Variants in ACBD5 observed in about 807,000 individuals in gnomAD.
ACBD5 encodes the protein acyl-CoA-binding domain-containing protein 5.
Under a neutral mutation model 71.8 loss-of-function variants are expected in ACBD5, and 40 were observed. That is an observed-to-expected ratio of 0.56 (90% CI 0.43 to 0.72). ACBD5 has a LOEUF of 0.72. Among genes scored for constraint, ACBD5 ranks in the 30% least tolerant of loss-of-function variants. The pLI is 0.00. For synonymous variants in ACBD5, 229 were observed against 218.6 expected, an observed-to-expected ratio of 1.05 and a Z score of -0.42; for missense variants, 559 against 644.5, an observed-to-expected ratio of 0.87 and a Z score of 1.44.
chr10:27,240,618 C>T lies in ACBD5; in HGVS notation c.15+56G>A. On this transcript the variant is annotated intron_variant, in intron 1 of 12. Transcript: ENST00000396271. This position sits in a 1 kb window ranked among gnomAD's most constrained non-coding sequence, Gnocchi z 4.1. ...AAGCGGCCCGGCTCCTTCCTCCTCC[C>T]CCGGGGCGTGACTAAGGCCACGAAT... 6.4e-7 allele frequency: 1 copy of T among 1,551,194 alleles called. No individual in the cohort carries two copies. The highest frequency in any genetic ancestry group is 1.2e-5 in the South Asian group (1 of 84,054).
At chr10:27,227,515 C>A (rs1049544658) in intron 4 of ACBD5, among the ~76,000 whole-genome samples, 2 of 152,018 alleles carry the variant, frequency 1.3e-5, no homozygotes, top group African/African-American at 4.8e-5. Flanking sequence ...TCTGAGTATG[C>A]TGATCACTAG....
rs760039877 is a variant in ACBD5 at position 27,197,340 on chromosome 10, C to T, written c.*90G>A. Reference sequence around the variant, plus strand: ...ACAACAAAAAGCAATGTAATCATCACAAACTAAGATTTTCTTGTGAACACC... The same window carrying T: ...ACAACAAAAAGCAATGTAATCATCATAAACTAAGATTTTCTTGTGAACACC... On this transcript the variant is annotated 3_prime_UTR_variant, in exon 13 of 13. Coordinates refer to ENST00000396271, the MANE Select transcript of ACBD5 (RefSeq NM_145698.5). 13 of 1,283,394 alleles carry T rather than the reference C, an allele frequency of 1.0e-5. No homozygotes were observed. The highest frequency in any genetic ancestry group is 1.5e-5 in the Non-Finnish European group (13 of 889,786). 79.5% of individuals were successfully genotyped at this position (1,283,394 alleles called of 1,614,324 possible). A position where few individuals can be genotyped will look rare whatever the true frequency, so the allele number is the denominator to read the frequency against.
intron 2 of ACBD5, among the ~76,000 whole-genome samples, chr10:27,239,786 G>A (rs1455705064): frequency 6.6e-6 from 1 of 152,024 alleles, no homozygotes; most frequent in African/African-American, 2.4e-5. Context: ...TGGCTCTGTC[G>A]CCCAGGCTGG....
At chr10:27,235,472 T>C (rs1158608181) in intron 2 of ACBD5, among the ~76,000 whole-genome samples, 1 of 152,228 alleles carries the variant, frequency 6.6e-6, no homozygotes, top group Non-Finnish European at 1.5e-5. Flanking sequence ...ATAGACATGC[T>C]GTAGATATAA....
intron 13 of ACBD5, among the ~76,000 whole-genome samples, chr10:27,183,626 A>G (rs2058457702): frequency 6.6e-6 from 1 of 152,164 alleles, no homozygotes; most frequent in South Asian, 2.1e-4. Flanking sequence ...GCATTTCTTT[A>G]TCAAGTAGAA....
chr10:27,186,609 A>AC, intron 13 of ACBD5: 1 of 1,270,562 alleles, frequency 7.9e-7, no homozygotes, highest in Non-Finnish European at 1.2e-6. Flanking sequence ...CCTTAATACT[A>AC]GATTGATCTA....
chr10:27,209,280 T>C (rs2060812508), intron 9 of ACBD5, among the ~76,000 whole-genome samples: 1 of 152,096 alleles, frequency 6.6e-6, no homozygotes, highest in African/African-American at 2.4e-5. Context: ...TACGTTTGCC[T>C]TTTTGGTCAT....
At chr10:27,209,380 C>G (rs1158976716) in intron 9 of ACBD5, among the ~76,000 whole-genome samples, 7 of 152,132 alleles carry the variant, frequency 4.6e-5, no homozygotes. Flanking sequence ...GTTGCCCAGG[C>G]TGGAGTGCAA....
intron 8 of ACBD5, among the ~76,000 whole-genome samples, 159 bp downstream of exon 8, chr10:27,215,376 G>C (rs1281076086): frequency 6.6e-6 from 1 of 151,528 alleles, no homozygotes; most frequent in African/African-American, 2.4e-5. Flanking sequence ...ACCTATTTTT[G>C]AATTCATAAA....
chr10:27,212,073 G>A (rs2061143994), intron 8 of ACBD5, among the ~76,000 whole-genome samples: 1 of 152,238 alleles, frequency 6.6e-6, no homozygotes, highest in South Asian at 2.1e-4. Flanking sequence ...CAAGGGGCCG[G>A]CATGGTGGCT....
chr10:27,183,932 G>C (rs2058477727), intron 13 of ACBD5, among the ~76,000 whole-genome samples: 1 of 151,930 alleles, frequency 6.6e-6, no homozygotes, highest in African/African-American at 2.4e-5. Flanking sequence ...GGCTGGTCTC[G>C]AACTCCTGGG....
At chr10:27,213,515 TG>T (rs1661856543) in intron 8 of ACBD5, among the ~76,000 whole-genome samples, 2 of 152,122 alleles carry the variant, frequency 1.3e-5, no homozygotes, top group Non-Finnish European at 2.9e-5. Flanking sequence ...CCCAGCACTT[TG>T]GGAGGCCAAG....
At chr10:27,203,132 C>T (rs1191630865) in intron 12 of ACBD5, among the ~76,000 whole-genome samples, 1 of 151,610 alleles carries the variant, frequency 6.6e-6, no homozygotes, top group Non-Finnish European at 1.5e-5. Flanking sequence ...GCACCACCAA[C>T]CTGGCTAATT....
intron 3 of ACBD5, among the ~76,000 whole-genome samples, chr10:27,232,888 A>G (rs1473904215): frequency 6.6e-5 from 10 of 152,206 alleles, no homozygotes; most frequent in Admixed American, 6.5e-4. Flanking sequence ...AAAAACATGA[A>G]GCAAATAATT....
upstream of ACBD5, chr10:27,242,053 A>G (rs752179349): frequency 7.5e-5 from 34 of 452,506 alleles, no homozygotes; most frequent in Non-Finnish European, 1.2e-4. Flanking sequence ...CGGCGCCGGC[A>G]TTTACCTTGG....
intron 6 of ACBD5, 40 bp from the exon 7 acceptor site, chr10:27,218,223 G>A: frequency 6.7e-7 from 1 of 1,482,276 alleles, no homozygotes; most frequent in Non-Finnish European, 9.4e-7. Flanking sequence ...AAAGTTCACA[G>A]TAGGTCACCT....
chr10:27,205,360 T>C, intron 10 of ACBD5, 112 bp from the exon 11 acceptor site: 1 of 1,027,756 alleles, frequency 9.7e-7, no homozygotes, highest in East Asian at 2.6e-5. Context: ...TTTTGGTTGC[T>C]TTTGTTTTCT....
intron 8 of ACBD5, 64 bp from the exon 9 acceptor site, chr10:27,211,145 T>C: frequency 6.7e-7 from 1 of 1,494,000 alleles, no homozygotes; most frequent in Non-Finnish European, 9.3e-7. Flanking sequence ...ACAAAGTTTT[T>C]ACAGCAATAG....
chr10:27,210,626 T>C (rs1193431399), intron 9 of ACBD5, among the ~76,000 whole-genome samples, 188 bp downstream of exon 9: 2 of 152,058 alleles, frequency 1.3e-5, no homozygotes, highest in Non-Finnish European at 2.9e-5. Context: ...GGCATGGTGG[T>C]GGGTGCCTAT....
Sources: gnomAD v4.1 joint callset for allele counts (sites outside exome capture counted in the v4.1 genomes callset) on GRCh38, gnomAD v4.1.1 for gene constraint, Gnocchi (gnomAD v3.1) non-coding constraint, MANE v1.5 for transcripts, NCBI Gene and HGNC (gene_info 2026-07-23, HGNC 2026-07-21) for gene names.